EPDR1: variants seen among roughly 807,000 people sequenced by gnomAD.
The protein encoded by EPDR1 is ependymin related 1, also known as mammalian ependymin-related protein 1.
A neutral mutation model predicts 23.7 loss-of-function variants in EPDR1; 27 were observed. The ratio of observed to expected loss-of-function variants is 1.14; its 90% confidence interval spans 0.84 to 1.57. The LOEUF (loss-of-function observed/expected upper bound fraction) is 1.57, where lower values mean the gene tolerates loss of function less well. EPDR1 is among the 40% of genes most tolerant of loss of function. EPDR1 has a pLI of 0.00. For missense variants in EPDR1, 349 were observed against 290.4 expected, an observed-to-expected ratio of 1.20 and a Z score of -1.47; for synonymous variants, 137 against 118.2, an observed-to-expected ratio of 1.16 and a Z score of -1.03.
Position 37,950,696 on chromosome 7 carries a change from G to T in EPDR1, c.*300G>T. The T allele has an allele frequency of 3.4e-6, 1 of 294,320 alleles. No homozygotes were observed. The highest frequency in any genetic ancestry group is 6.3e-6 in the Non-Finnish European group (1 of 158,852). The allele number at this position is 294,320 out of a possible 1,614,324, so 18.2% of individuals were successfully genotyped here. On this transcript the variant is annotated 3_prime_UTR_variant, in exon 3 of 3. Transcript: ENST00000199448. The stretch of plus-strand genomic sequence containing the variant: ...CTGCATGCACGGGTATACACATAAT[G>T]CAGTGCCATGCACATAGGGAAGGGT...
chr7:37,923,925 G>T (rs1304150007), intron 1 of EPDR1, among the ~76,000 whole-genome samples: 3 of 152,258 alleles, frequency 2.0e-5, no homozygotes, highest in South Asian at 4.2e-4. Context: ...GCCAAGGTTG[G>T]TCCCATCGCT....
At chr7:37,945,126 G>T (rs117914238) in intron 1 of EPDR1, among the ~76,000 whole-genome samples, 2,100 of 152,280 alleles carry the variant, frequency 0.014, 17 homozygotes, top group South Asian at 0.025. Flanking sequence ...TCTAAGAGTT[G>T]GGTTAATGTT....
chr7:37,935,963 G>A (rs891947118), intron 1 of EPDR1, among the ~76,000 whole-genome samples: 2 of 97,850 alleles, frequency 2.0e-5, no homozygotes, highest in Admixed American at 1.3e-4. Flanking sequence ...TAATCTAAAC[G>A]GACATGATTT....
At chr7:37,921,392 C>T (rs1318441716) in intron 1 of EPDR1, 184 bp downstream of exon 1, 2 of 1,389,580 alleles carry the variant, frequency 1.4e-6, no homozygotes, top group African/African-American at 1.5e-5. Context: ...AGGGGCGCTG[C>T]GCCCACCGAG....
chr7:37,944,427 A>G (rs1426036722), intron 1 of EPDR1, among the ~76,000 whole-genome samples: 1 of 152,250 alleles, frequency 6.6e-6, no homozygotes, highest in Non-Finnish European at 1.5e-5. Flanking sequence ...ATATGAGGCT[A>G]GAATGACATG....
intron 1 of EPDR1, among the ~76,000 whole-genome samples, chr7:37,940,559 T>G (rs2598100): frequency 0.34 from 51,501 of 151,972 alleles, 8,909 homozygotes; most frequent in South Asian, 0.46. Flanking sequence ...GGAATTATAT[T>G]CTAAGGATAA....
Position 37,921,475 on chromosome 7 carries a change from C to A in EPDR1, c.269+267C>A. The A allele has an allele frequency of 1.5e-6, 2 of 1,363,860 alleles. 1 individual carries two copies. 84.5% of individuals were successfully genotyped at this position (1,363,860 alleles called of 1,614,324 possible). On this transcript the variant is annotated intron_variant, in intron 1 of 2. Coordinates refer to ENST00000199448, the MANE Select transcript of EPDR1 (RefSeq NM_017549.5). ...AGGTAAAGAAGGGACCCATCCAGGG[C>A]GGGATCAAGCTGCAGAGTGCCCCAT...
At chr7:37,944,218 G>A (rs986064611) in intron 1 of EPDR1, among the ~76,000 whole-genome samples, 37 of 152,244 alleles carry the variant, frequency 2.4e-4, no homozygotes, top group African/African-American at 8.9e-4. Context: ...CAGTTTGCTA[G>A]TGCTTCTCTC....
At chr7:37,933,205 G>A (rs1785978347) in intron 1 of EPDR1, among the ~76,000 whole-genome samples, 1 of 152,250 alleles carries the variant, frequency 6.6e-6, no homozygotes, top group Non-Finnish European at 1.5e-5. Context: ...TTCCTCTTGA[G>A]AGTCAGATGG....
At chr7:37,931,562 C>A (rs1785941136) in intron 1 of EPDR1, among the ~76,000 whole-genome samples, 1 of 151,986 alleles carries the variant, frequency 6.6e-6, no homozygotes, top group Admixed American at 6.6e-5. Context: ...TGACACCAAA[C>A]TAAATTTGGT....
intron 1 of EPDR1, among the ~76,000 whole-genome samples, chr7:37,922,665 T>TG (rs145894040): frequency 0.038 from 5,675 of 150,014 alleles, 163 homozygotes; most frequent in East Asian, 0.094. Flanking sequence ...TTGAGGAAGC[T>TG]AGGGGGGGGT....
At position 37,930,527 on chromosome 7, in the gene EPDR1, G is replaced by A. The variant is rs189721286; in HGVS notation, c.269+9319G>A. ...GATTGTGTTTCCTGTAGGTGTGGGA[G>A]TTCTTCTTCTCACAGTCAAGCCCTC... On this transcript the variant is annotated intron_variant, in intron 1 of 2. Coordinates refer to ENST00000199448, the MANE Select transcript of EPDR1 (RefSeq NM_017549.5). Among the ~76,000 whole-genome samples the A allele has an allele frequency of 2.5e-3, 376 of 152,312 alleles. 1 individual carries two copies. Among genetic ancestry groups the A allele is most frequent in the African/African-American group, 8.5e-3 (354 of 41,566 alleles).
intron 1 of EPDR1, among the ~76,000 whole-genome samples, chr7:37,942,633 C>T (rs540694468): frequency 3.0e-4 from 45 of 152,172 alleles, no homozygotes; most frequent in Admixed American, 8.5e-4. Context: ...AAAATTAATA[C>T]GTACATAAAG....
chr7:37,931,689 C>T (rs1045303891), intron 1 of EPDR1, among the ~76,000 whole-genome samples: 3 of 151,582 alleles, frequency 2.0e-5, no homozygotes, highest in Non-Finnish European at 4.4e-5. Flanking sequence ...TTTTGTTTCA[C>T]TTTGTTTTGT....
Position 37,920,965 on chromosome 7 carries a change from C to G in EPDR1, c.26C>G (p.Thr9Ser). ...ATGCCAGGACGCGCTCCCCTCCGCACCGTCCCGGGCGCCCTGGGTGCCTGG... is the reference window on the plus strand; with the variant it reads ...ATGCCAGGACGCGCTCCCCTCCGCAGCGTCCCGGGCGCCCTGGGTGCCTGG... MPGRAPLRTVPGALGAWLL... is the reference protein window; with the variant it reads MPGRAPLRSVPGALGAWLL... The change falls in exon 1 of 3, where the codon ACC becomes AGC. Residue 9 changes from threonine (T) to serine (S), a missense_variant. Coordinates refer to ENST00000199448, the MANE Select transcript of EPDR1 (RefSeq NM_017549.5). The G allele has an allele frequency of 3.8e-6, 6 of 1,572,836 alleles. No homozygotes were observed. The highest frequency in any genetic ancestry group is 5.2e-6 in the Non-Finnish European group (6 of 1,161,900).
At position 37,920,923 on chromosome 7, in the gene EPDR1, G is replaced by A; in HGVS notation, c.-17G>A. The A allele has an allele frequency of 1.2e-6, 2 of 1,609,810 alleles. No homozygotes were observed. The highest frequency in any genetic ancestry group is 1.1e-5 in the South Asian group (1 of 90,668). On this transcript the variant is annotated 5_prime_UTR_variant, in exon 1 of 3. Transcript: ENST00000199448. ...TTGGGCTTGGGCTTGCCCTCGGGCC[G>A]GGGAAGGCTGACCGCGATGCCAGGA...
intron 1 of EPDR1, among the ~76,000 whole-genome samples, chr7:37,940,184 T>C (rs988055176): frequency 6.6e-6 from 1 of 152,146 alleles, no homozygotes; most frequent in Non-Finnish European, 1.5e-5. Flanking sequence ...ACTCTTTCTG[T>C]AAAGAAGAAG....
At chr7:37,943,347 T>C (rs541579855) in intron 1 of EPDR1, among the ~76,000 whole-genome samples, 2 of 152,328 alleles carry the variant, frequency 1.3e-5, no homozygotes, top group South Asian at 4.1e-4. Context: ...TGTTAATCCC[T>C]TGGGTCCACG....
At position 37,951,662 on chromosome 7, in the gene EPDR1, G is replaced by A. The variant is rs1278593553; in HGVS notation, c.*1266G>A. 1 of 152,104 alleles carries A rather than the reference G, an allele frequency of 6.6e-6. No homozygotes were observed. The highest frequency in any genetic ancestry group is 1.5e-5 in the Non-Finnish European group (1 of 68,022). The allele number at this position is 152,104 out of a possible 1,614,324, so 9.4% of individuals were successfully genotyped here. ...TGTGGTTGAGTTTGTCCATTGCTAG[G>A]GAGAGACTTCCAGTAATAAAATTTA... On this transcript the variant is annotated 3_prime_UTR_variant, in exon 3 of 3. Coordinates refer to ENST00000199448, the MANE Select transcript of EPDR1 (RefSeq NM_017549.5).
Sources: allele counts gnomAD v4.1 joint callset (sites outside exome capture counted in the v4.1 genomes callset), GRCh38; gene constraint gnomAD v4.1.1; transcripts MANE v1.5; gene names NCBI Gene and HGNC (gene_info 2026-07-23, HGNC 2026-07-21).